CLHC1: variants seen among roughly 807,000 people sequenced by gnomAD.
The protein encoded by CLHC1 is clathrin heavy chain linker domain containing 1.
A neutral mutation model predicts 69.5 loss-of-function variants in CLHC1; 72 were observed. That is an observed-to-expected ratio of 1.04 (90% CI 0.86 to 1.26). The LOEUF is 1.26. Ranked by LOEUF, CLHC1 falls within the 50% of genes most tolerant of loss-of-function variation. CLHC1 has a pLI of 0.00. For missense variants in CLHC1, 790 were observed against 679.3 expected (o/e 1.16, Z -1.81); for synonymous variants, 223 against 224.3 (o/e 0.99, Z 0.05).
chr2:55,185,369 C>G (rs1057252220), intron 9 of CLHC1, among the ~76,000 whole-genome samples: 3 of 152,112 alleles, frequency 2.0e-5, no homozygotes, highest in South Asian at 2.1e-4. Context: ...GATGATACCC[C>G]CTTCCAGGAC....
At position 55,172,701 on chromosome 2, in the gene CLHC1, TA is replaced by T. The variant is rs11347337; in HGVS notation, c.*3088del. ...GAGCTTTCTATGAAATGTACAAAGT[TA>T]AAAAAAAAAAAAAAGGCCTCTGCTA... On this transcript the variant is annotated 3_prime_UTR_variant, in exon 13 of 13. Transcript: ENST00000401408. Among the ~76,000 whole-genome samples, 101,438 of 142,988 alleles carry T rather than the reference TA, an allele frequency of 0.71. 37,235 individuals are homozygous for T. Among genetic ancestry groups the T allele is most frequent in the Non-Finnish European group, 0.82 (53,708 of 65,358 alleles). The allele number at this position is 142,988 out of a possible 152,430, so 93.8% of individuals were successfully genotyped here.
chr2:55,205,315 A>AT (rs1476705647), intron 9 of CLHC1, among the ~76,000 whole-genome samples: 1 of 152,082 alleles, frequency 6.6e-6, no homozygotes, highest in Non-Finnish European at 1.5e-5. Context: ...ACCTGCATTC[A>AT]TTATGTTTAT....
intron 6 of CLHC1, 51 bp downstream of exon 6, chr2:55,209,579 T>C: frequency 6.3e-7 from 1 of 1,589,128 alleles, no homozygotes; most frequent in Non-Finnish European, 8.6e-7. Flanking sequence ...AATATTAGAA[T>C]AAACACAAAT....
At chr2:55,202,897 CAAAA>C (rs34307486) in intron 9 of CLHC1, among the ~76,000 whole-genome samples, 1 of 93,402 alleles carries the variant, frequency 1.1e-5, no homozygotes, top group Non-Finnish European at 2.3e-5. Flanking sequence ...AGACTCATCT[CAAAA>C]AAAAAAAAAA....
chr2:55,201,753 C>T (rs1442619590), intron 9 of CLHC1, among the ~76,000 whole-genome samples: 1 of 151,938 alleles, frequency 6.6e-6, no homozygotes, highest in Non-Finnish European at 1.5e-5. Flanking sequence ...AACATTGATG[C>T]AAAAATCATC....
intron 9 of CLHC1, among the ~76,000 whole-genome samples, chr2:55,202,692 T>C (rs1672071536): frequency 6.8e-6 from 1 of 146,440 alleles, no homozygotes; most frequent in African/African-American, 2.5e-5. Flanking sequence ...AGGTCAGGAG[T>C]TCAAGACCAG....
At chr2:55,177,029 T>C (rs1669457049) in intron 12 of CLHC1, among the ~76,000 whole-genome samples, 1 of 152,044 alleles carries the variant, frequency 6.6e-6, no homozygotes, top group South Asian at 2.1e-4. Flanking sequence ...GCATGCCACA[T>C]GTGGCTAATT....
At chr2:55,178,091 A>G (rs897328435) in intron 11 of CLHC1, among the ~76,000 whole-genome samples, 1 of 152,216 alleles carries the variant, frequency 6.6e-6, no homozygotes, top group African/African-American at 2.4e-5. Context: ...CTGAATTCTA[A>G]TCATAGCTCC....
At chr2:55,180,745 GA>G (rs1003451889) in intron 10 of CLHC1, 33 bp from the exon 11 acceptor site, 2 of 1,562,638 alleles carry the variant, frequency 1.3e-6, no homozygotes, top group African/African-American at 2.7e-5. Context: ...ACATATGTTA[GA>G]AAATTCCTGA....
chr2:55,208,956 C>T lies in CLHC1; in HGVS notation c.815-246G>A, dbSNP rs554980712. Among the ~76,000 whole-genome samples the T allele has an allele frequency of 5.3e-5, 8 of 151,036 alleles. No individual in the cohort carries two copies. The East Asian group carries it at 5.8e-4, about 11-fold the overall frequency. On this transcript the variant is annotated intron_variant, in intron 7 of 12. Coordinates refer to ENST00000401408, the MANE Select transcript of CLHC1 (RefSeq NM_152385.4). ...CCCTATCTTGGCTCACTGCAAGCTCCGCCTCCCGGGTTCACACCATTCTCC... is the reference window on the plus strand; with the variant it reads ...CCCTATCTTGGCTCACTGCAAGCTCTGCCTCCCGGGTTCACACCATTCTCC...
intron 9 of CLHC1, among the ~76,000 whole-genome samples, chr2:55,188,634 G>C (rs1320468521): frequency 6.6e-6 from 1 of 151,948 alleles, no homozygotes; most frequent in Non-Finnish European, 1.5e-5. Context: ...CATGCACCAG[G>C]ATATATTTTC....
intron 4 of CLHC1, among the ~76,000 whole-genome samples, chr2:55,217,535 AAAAAAAAAAAAAAAAAAAT>A (rs1484340484): frequency 1.3e-5 from 1 of 78,004 alleles, no homozygotes; most frequent in African/African-American, 6.5e-5. Context: ...AAAAAAAAAA[AAAAAAAAAAAAAAAAAAAT>A]ATATATATAT....
intron 9 of CLHC1, among the ~76,000 whole-genome samples, chr2:55,193,938 C>T (rs1010777110): frequency 2.6e-5 from 4 of 152,116 alleles, no homozygotes; most frequent in African/African-American, 9.7e-5. Flanking sequence ...TACTATTTAG[C>T]CATATAAAGA....
chr2:55,192,733 T>C (rs886939485), intron 9 of CLHC1, among the ~76,000 whole-genome samples: 4 of 152,100 alleles, frequency 2.6e-5, no homozygotes, highest in Non-Finnish European at 5.9e-5. Flanking sequence ...ATACAAAGTA[T>C]TTTCCCAACA....
rs1236211670 is a variant in CLHC1 at position 55,173,044 on chromosome 2, T to C, written c.*2746A>G. 1.3e-5 allele frequency among the ~76,000 whole-genome samples: 2 copies of C among 152,230 alleles called. No homozygotes were observed. Among genetic ancestry groups the C allele is most frequent in the Non-Finnish European group, 2.9e-5 (2 of 68,036 alleles). On this transcript the variant is annotated 3_prime_UTR_variant, in exon 13 of 13. Transcript: ENST00000401408. ...CCTTGGAAGAAATATCTTCCTTTCC[T>C]CACTGGTATGGTAGAAAGAAAACCT...
chr2:55,206,428 A>C, intron 8 of CLHC1, 52 bp from the exon 9 acceptor site: 1 of 1,012,926 alleles, frequency 9.9e-7, no homozygotes, highest in Non-Finnish European at 1.6e-6. Flanking sequence ...GAAAAAGAGA[A>C]AAAACTGATT....
At chr2:55,227,430 A>T (rs1476006779) in intron 2 of CLHC1, among the ~76,000 whole-genome samples, 1 of 152,188 alleles carries the variant, frequency 6.6e-6, no homozygotes, top group Non-Finnish European at 1.5e-5. Context: ...CTATAATCCC[A>T]GCACTTTGGG....
intron 11 of CLHC1, 128 bp downstream of exon 11, chr2:55,180,382 T>A: frequency 1.6e-6 from 1 of 623,946 alleles, no homozygotes; most frequent in East Asian, 2.8e-5. Flanking sequence ...ACAAGAAATC[T>A]CCTACTTATT....
chr2:55,208,445 A>G (rs1001345357), intron 8 of CLHC1, among the ~76,000 whole-genome samples, 181 bp downstream of exon 8: 1 of 152,206 alleles, frequency 6.6e-6, no homozygotes, highest in Non-Finnish European at 1.5e-5. Context: ...CGGATTTTGG[A>G]GCATTTCAGA....
Sources: allele counts gnomAD v4.1 joint callset (sites outside exome capture counted in the v4.1 genomes callset), GRCh38; gene constraint gnomAD v4.1.1; transcripts MANE v1.5; gene names NCBI Gene and HGNC (gene_info 2026-07-23, HGNC 2026-07-21).